TTLL5: variants seen among roughly 807,000 people sequenced by gnomAD.
TTLL5 encodes the protein tubulin tyrosine ligase like 5.
In TTLL5, 132 loss-of-function variants were observed where a neutral mutation model predicts 168.4. The ratio of observed to expected loss-of-function variants is 0.78; its 90% CI spans 0.68 to 0.91. TTLL5 has a LOEUF of 0.91. Ranked by LOEUF, TTLL5 falls within the 40% of genes least tolerant of loss-of-function variation. The pLI, the probability that TTLL5 is intolerant of heterozygous loss-of-function variation, is 0.00. For synonymous variants in TTLL5, 546 were observed against 558.6 expected, an observed-to-expected ratio of 0.98 and a Z score of 0.32; for missense variants, 1,545 against 1,581.5, an observed-to-expected ratio of 0.98 and a Z score of 0.39.
Position 75,869,013 on chromosome 14 carries a change from AGTGTGTGTGTGT to A in TTLL5, c.3522+5190_3522+5201del, listed in dbSNP as rs3138589. On this transcript the variant is annotated intron_variant, in intron 29 of 31. Coordinates refer to ENST00000298832, the MANE Select transcript of TTLL5 (RefSeq NM_015072.5). ...TGGACTGGGGACATGAGAGGGGAGG[AGTGTGTGTGTGT>A]GTGTGTGTGTGTGTGTGTGTGTGTG... 1.5e-3 allele frequency among the ~76,000 whole-genome samples: 188 copies of A among 124,516 alleles called. 1 individual carries two copies. The highest frequency in any genetic ancestry group is 4.0e-3 in the Admixed American group (50 of 12,490). 81.7% of individuals were successfully genotyped at this position (124,516 alleles called of 152,430 possible).
chr14:75,707,134 C>G (rs759193271), intron 8 of TTLL5, 47 bp downstream of exon 8: 1 of 1,486,546 alleles, frequency 6.7e-7, no homozygotes, highest in East Asian at 2.3e-5. Context: ...GATTTTTGCT[C>G]AACTTTTTAA....
rs143765864 is a variant in TTLL5 at position 75,672,059 on chromosome 14, G to T, written c.181+2537G>T. Reference sequence around the variant, plus strand: ...AGTTTGCTTCTATTCCTAGTTTGTTGTGTGTTTTTATCATGAAAAGGTGTT... The same window carrying T: ...AGTTTGCTTCTATTCCTAGTTTGTTTTGTGTTTTTATCATGAAAAGGTGTT... On this transcript the variant is annotated intron_variant, in intron 3 of 31. Transcript: ENST00000298832. Among the ~76,000 whole-genome samples, 33 of 152,162 alleles carry T rather than the reference G, an allele frequency of 2.2e-4. No individual in the cohort carries two copies. The East Asian group carries it at 6.0e-3, about 28-fold the overall frequency.
At chr14:75,820,803 A>AT (rs1894781872) in intron 28 of TTLL5, 1 of 146,080 alleles carries the variant, frequency 6.8e-6, no homozygotes, top group South Asian at 2.2e-4. Flanking sequence ...TTACCCCTGT[A>AT]TTAAAAAAAA....
intron 28 of TTLL5, among the ~76,000 whole-genome samples, chr14:75,847,132 G>T (rs1053121633): frequency 3.3e-5 from 5 of 151,882 alleles, no homozygotes; most frequent in African/African-American, 9.7e-5. Context: ...CTCCCAAGTA[G>T]CTGGGATTAT....
chr14:75,728,300 G>A (rs951491691), intron 12 of TTLL5, among the ~76,000 whole-genome samples: 23 of 149,732 alleles, frequency 1.5e-4, no homozygotes, highest in Non-Finnish European at 2.7e-4. Flanking sequence ...AGATTGCAGC[G>A]AGCCGATATT....
At chr14:75,829,293 GA>G (rs1238205706) in intron 28 of TTLL5, among the ~76,000 whole-genome samples, 1 of 152,002 alleles carries the variant, frequency 6.6e-6, no homozygotes, top group African/African-American at 2.4e-5. Flanking sequence ...AATCTGAGAG[GA>G]TCAAAGAATT....
At chr14:75,939,006 G>A (rs904360943) in intron 31 of TTLL5, among the ~76,000 whole-genome samples, 1 of 152,246 alleles carries the variant, frequency 6.6e-6, no homozygotes, top group Non-Finnish European at 1.5e-5. Context: ...ACAAGAGCTG[G>A]TGGAAGGTGT....
intron 31 of TTLL5, among the ~76,000 whole-genome samples, chr14:75,936,831 G>A (rs1175977325): frequency 6.6e-6 from 1 of 152,166 alleles, no homozygotes; most frequent in Non-Finnish European, 1.5e-5. Context: ...GAAGTGGGGA[G>A]CAATTTCCCA....
chr14:75,705,696 A>T (rs1250598292), intron 7 of TTLL5, among the ~76,000 whole-genome samples: 1 of 152,182 alleles, frequency 6.6e-6, no homozygotes, highest in African/African-American at 2.4e-5. Context: ...TGTTTAGTAC[A>T]TTTGTTAAAT....
At chr14:75,783,664 G>T (rs1010614500) in intron 26 of TTLL5, 134 bp downstream of exon 26, 1 of 1,269,354 alleles carries the variant, frequency 7.9e-7, no homozygotes, top group Middle Eastern at 2.8e-4. Context: ...TTGTTCTGAC[G>T]TGACTAAAGA....
At position 75,662,984 on chromosome 14, in the gene TTLL5, G is replaced by T. The variant is rs1467051184; in HGVS notation, c.-95-71G>T. 9.9e-6 allele frequency: 7 copies of T among 707,648 alleles called. No homozygotes were observed. In the Admixed American group the frequency reaches 1.4e-4, roughly 14 times the overall value. 43.8% of individuals were successfully genotyped at this position (707,648 alleles called of 1,614,324 possible). ...GTCATTTTCATTACTTAGATTATCA[G>T]CAATAACCAATAAATAGACAACTGC... On this transcript the variant is annotated intron_variant, in intron 1 of 31. Transcript: ENST00000298832.
intron 3 of TTLL5, among the ~76,000 whole-genome samples, chr14:75,681,208 AAAT>A (rs1175950910): frequency 6.6e-6 from 1 of 152,166 alleles, no homozygotes; most frequent in Admixed American, 6.5e-5. Flanking sequence ...ATATACTGTA[AAAT>A]AATATTAAAA....
chr14:75,673,847 T>TA (rs951658208), intron 3 of TTLL5, among the ~76,000 whole-genome samples: 2 of 152,162 alleles, frequency 1.3e-5, no homozygotes, highest in Admixed American at 6.5e-5. Flanking sequence ...GTTGCCAAGT[T>TA]ACCATTTAAA....
At chr14:75,751,772 A>G (rs1889969188) in intron 17 of TTLL5, among the ~76,000 whole-genome samples, 1 of 152,172 alleles carries the variant, frequency 6.6e-6, no homozygotes, top group Non-Finnish European at 1.5e-5. Context: ...TCCAGACCCC[A>G]AGAGAGGGTT....
chr14:75,917,604 CTT>C (rs2033665232), intron 31 of TTLL5, among the ~76,000 whole-genome samples: 1 of 152,204 alleles, frequency 6.6e-6, no homozygotes, highest in Non-Finnish European at 1.5e-5. Flanking sequence ...TTAACTTTCT[CTT>C]ATTTAGATGG....
chr14:75,747,782 A>T (rs959393866), intron 17 of TTLL5, among the ~76,000 whole-genome samples: 1 of 152,132 alleles, frequency 6.6e-6, no homozygotes, highest in Admixed American at 6.5e-5. Flanking sequence ...TTCAGCTTAC[A>T]CCTTACCTTC....
intron 7 of TTLL5, among the ~76,000 whole-genome samples, chr14:75,699,770 C>CT (rs1164343450): frequency 6.6e-6 from 1 of 152,096 alleles, no homozygotes; most frequent in Admixed American, 6.6e-5. Context: ...CATTTCTCCT[C>CT]TTTTTTCAAA....
At position 75,879,255 on chromosome 14, in the gene TTLL5, G is replaced by C. The variant is rs911913638; in HGVS notation, c.3523-3430G>C. ...AGGAAAAGATTATTTCTGCCAGAGA[G>C]AATTGAGTAAATATGATCTGGGGAG... On this transcript the variant is annotated intron_variant, in intron 29 of 31. Transcript: ENST00000298832. 1.3e-5 allele frequency among the ~76,000 whole-genome samples: 2 copies of C among 152,210 alleles called. 1 individual carries two copies. The highest frequency in any genetic ancestry group is 4.8e-5 in the African/African-American group (2 of 41,452).
chr14:75,729,443 A>G (rs1422264337), intron 12 of TTLL5, among the ~76,000 whole-genome samples: 4 of 152,162 alleles, frequency 2.6e-5, no homozygotes, highest in Non-Finnish European at 5.9e-5. Context: ...ACCAAATACC[A>G]ATAGTAAGTT....
Sources: allele counts gnomAD v4.1 joint callset (sites outside exome capture counted in the v4.1 genomes callset), GRCh38; gene constraint gnomAD v4.1.1; transcripts MANE v1.5; gene names NCBI Gene and HGNC (gene_info 2026-07-23, HGNC 2026-07-21).